Variants in FBRSL1 observed in about 807,000 individuals in gnomAD.
FBRSL1 encodes the protein fibrosin-1-like protein.
A neutral mutation model predicts 89.6 loss-of-function variants in FBRSL1; 51 were observed. That is an observed-to-expected ratio of 0.57 (90% CI 0.45 to 0.72). The LOEUF (loss-of-function observed/expected upper bound fraction) is 0.72, where lower values mean the gene tolerates loss of function less well. Ranked by LOEUF, FBRSL1 falls within the 30% of genes least tolerant of loss-of-function variation. FBRSL1 has a pLI of 0.00. For synonymous variants in FBRSL1, 779 were observed against 681.1 expected, an observed-to-expected ratio of 1.14 and a Z score of -2.24; for missense variants, 1,618 against 1,451.8, an observed-to-expected ratio of 1.11 and a Z score of -1.86.
chr12:132,534,612 A>G (rs1400607334), intron 4 of FBRSL1, among the ~76,000 whole-genome samples: 1 of 152,232 alleles, frequency 6.6e-6, no homozygotes, highest in Non-Finnish European at 1.5e-5. Context: ...TGTGGGTCAG[A>G]ATTGAGCAAG....
chr12:132,546,362 G>A lies in FBRSL1; in HGVS notation c.616-1641G>A, dbSNP rs2084591898. On this transcript the variant is annotated intron_variant, in intron 4 of 18. Coordinates refer to ENST00000680143, the MANE Select transcript of FBRSL1 (RefSeq NM_001367871.1). This position sits in a 1 kb window ranked among gnomAD's most constrained non-coding sequence, Gnocchi z 4.0. ...GCAGCCTCCGGGGCGGGATGGGCCCGGTTCTGACTTGGAGCCCTCAGTTCT... is the reference window on the plus strand; with the variant it reads ...GCAGCCTCCGGGGCGGGATGGGCCCAGTTCTGACTTGGAGCCCTCAGTTCT... 6.6e-6 allele frequency among the ~76,000 whole-genome samples: 1 copy of A among 152,254 alleles called. No individual in the cohort carries two copies. The highest frequency in any genetic ancestry group is 1.5e-5 in the Non-Finnish European group (1 of 68,048).
chr12:132,576,131 A>C (rs1237013543), intron 14 of FBRSL1, among the ~76,000 whole-genome samples: 1 of 152,130 alleles, frequency 6.6e-6, no homozygotes, highest in Non-Finnish European at 1.5e-5. Flanking sequence ...TACCAAATTC[A>C]GTCACTGAGA....
At chr12:132,575,564 G>T (rs907808491) in intron 14 of FBRSL1, among the ~76,000 whole-genome samples, 7 of 152,268 alleles carry the variant, frequency 4.6e-5, no homozygotes, top group Non-Finnish European at 1.0e-4. Context: ...TGTCTGGGTG[G>T]AACTTCTGGA....
In FBRSL1 at chr12:132,499,667, C is replaced by T. The variant is rs1388288283; in HGVS notation, c.292-8486C>T. Among the ~76,000 whole-genome samples, 3 of 143,854 alleles carry T rather than the reference C, an allele frequency of 2.1e-5. No individual in the cohort carries two copies. The highest frequency in any genetic ancestry group is 3.0e-5 in the Non-Finnish European group (2 of 65,892). The allele number at this position is 143,854 out of a possible 152,430, so 94.4% of individuals were successfully genotyped here. On this transcript the variant is annotated intron_variant, in intron 1 of 18. Transcript: ENST00000680143. This position sits in a 1 kb window ranked among gnomAD's most constrained non-coding sequence, Gnocchi z 4.3. The stretch of plus-strand genomic sequence containing the variant: ...AGCAGGTGGTACAGGTTTGGGGTGC[C>T]GGTGGCAGGCAGGCTGGAGACAGCT...
At chr12:132,506,749 C>T (rs2033731908) in intron 1 of FBRSL1, among the ~76,000 whole-genome samples, 1 of 152,392 alleles carries the variant, frequency 6.6e-6, no homozygotes, top group South Asian at 2.1e-4. Context: ...AGCAGGAACT[C>T]TGGAGGCCAT....
Position 132,511,898 on chromosome 12 carries a change from C to T in FBRSL1, c.489+3548C>T, listed in dbSNP as rs749234607. The T allele has an allele frequency of 2.4e-5, 24 of 981,160 alleles. No individual in the cohort carries two copies. In the South Asian group the frequency reaches 8.6e-4, roughly 35 times the overall value. The allele number at this position is 981,160 out of a possible 1,614,324, so 60.8% of individuals were successfully genotyped here. A position where few individuals can be genotyped will look rare whatever the true frequency, so the allele number is the denominator to read the frequency against. ...GGGCCTCCATCCCAGAAGCGCAGGG[C>T]TTATTTTTCTGATTAAAGAAAATAA... On this transcript the variant is annotated intron_variant, in intron 2 of 18. Coordinates refer to ENST00000680143, the MANE Select transcript of FBRSL1 (RefSeq NM_001367871.1).
chr12:132,577,634 C>T (rs1291612323), intron 15 of FBRSL1, among the ~76,000 whole-genome samples: 1 of 152,138 alleles, frequency 6.6e-6, no homozygotes, highest in East Asian at 1.9e-4. Context: ...GAGTCACCCC[C>T]TCCCCCGGGT....
chr12:132,513,464 G>A (rs1322606219), intron 2 of FBRSL1, among the ~76,000 whole-genome samples: 1 of 152,096 alleles, frequency 6.6e-6, no homozygotes, highest in East Asian at 1.9e-4. Context: ...CCCGCTGCCC[G>A]ACTACAGAGA....
chr12:132,583,202 C>A lies in FBRSL1; in HGVS notation c.2433C>A (p.Asp811Glu). 1 of 1,446,048 alleles carries A rather than the reference C, an allele frequency of 6.9e-7. No individual in the cohort carries two copies. The highest frequency in any genetic ancestry group is 9.1e-7 in the Non-Finnish European group (1 of 1,102,520). 89.6% of individuals were successfully genotyped at this position (1,446,048 alleles called of 1,614,324 possible). A position where few individuals can be genotyped will look rare whatever the true frequency, so the allele number is the denominator to read the frequency against. Residue 811 changes from aspartate to glutamate, a missense_variant, in exon 19 of 19, where the codon GAC (aspartate) becomes GAA (glutamate). Coordinates refer to ENST00000680143, the MANE Select transcript of FBRSL1 (RefSeq NM_001367871.1). ...CCCACAGCAAGGCGGCCCCTGGAGA[C>A]GTGAAGGTCAAGGAGGAGCGCGGGG... ...SPPHSKAAPG[D>E]VKVKEERGED...
intron 5 of FBRSL1, among the ~76,000 whole-genome samples, chr12:132,562,522 A>G (rs1000715757): frequency 1.3e-5 from 2 of 152,158 alleles, no homozygotes; most frequent in African/African-American, 4.8e-5. Context: ...GGGGCGCTGG[A>G]CATAGAGTTG....
chr12:132,549,061 T>C (rs766426475), intron 5 of FBRSL1, among the ~76,000 whole-genome samples: 4 of 152,046 alleles, frequency 2.6e-5, no homozygotes, highest in Non-Finnish European at 4.4e-5. Context: ...GGTCCAGATA[T>C]TGGAGTCAGT....
intron 4 of FBRSL1, among the ~76,000 whole-genome samples, chr12:132,536,849 A>G (rs560752651): frequency 6.6e-6 from 1 of 152,060 alleles, no homozygotes; most frequent in Non-Finnish European, 1.5e-5. Context: ...GCATGACTGC[A>G]TGTGAGTGCA....
intron 5 of FBRSL1, chr12:132,551,813 G>A (rs978345080): frequency 1.7e-5 from 6 of 347,184 alleles, no homozygotes; most frequent in African/African-American, 1.3e-4. Flanking sequence ...TCTTCGGTTT[G>A]TGTCTAACCA....
At chr12:132,548,099 G>A (rs1393781172) in intron 5 of FBRSL1, 67 bp downstream of exon 5, 20 of 1,524,748 alleles carry the variant, frequency 1.3e-5, no homozygotes, top group East Asian at 2.5e-5. Flanking sequence ...CCTTGGCCCT[G>A]TGAGGTGGGC....
At position 132,583,895 on chromosome 12, in the gene FBRSL1, C is replaced by T. The variant is rs1421638558; in HGVS notation, c.*117C>T. 2.1e-6 allele frequency: 1 copy of T among 466,152 alleles called. No individual in the cohort carries two copies. Among genetic ancestry groups the T allele is most frequent in the Non-Finnish European group, 3.1e-6 (1 of 322,244 alleles). The allele number at this position is 466,152 out of a possible 1,614,324, so 28.9% of individuals were successfully genotyped here. On this transcript the variant is annotated 3_prime_UTR_variant, in exon 19 of 19. Transcript: ENST00000680143. The stretch of plus-strand genomic sequence containing the variant: ...TGGGGCGGCGCCGCCTCTCCACCCG[C>T]AGCCTGCGGAGGCGGGGACTTGGGT...
At chr12:132,551,443 C>T (rs1042055596) in intron 5 of FBRSL1, 14 of 456,174 alleles carry the variant, frequency 3.1e-5, no homozygotes, top group East Asian at 1.4e-4. Flanking sequence ...AAGCGGATGC[C>T]GGGGCAGGTG....
chr12:132,570,335 C>T lies in FBRSL1; in HGVS notation c.1008C>T (p.Ser336=). The T allele has an allele frequency of 6.5e-7, 1 of 1,529,162 alleles. No homozygotes were observed. The allele number at this position is 1,529,162 out of a possible 1,614,324, so 94.7% of individuals were successfully genotyped here. ...AGGCACTGAGCCCCGTGTCCCGCAGCAGGAGCAGCAGCGCCCCCCTGGGCC... is the reference window on the plus strand; with the variant it reads ...AGGCACTGAGCCCCGTGTCCCGCAGTAGGAGCAGCAGCGCCCCCCTGGGCC... ...QAAANGLHGL[S]RSSSAPLGLG... The change falls in exon 8 of 19, where the codon AGC becomes AGT. Residue 336 remains serine (S), a splice_region_variant and synonymous_variant. Transcript: ENST00000680143.
At chr12:132,532,597 C>T (rs2036382817) in intron 4 of FBRSL1, among the ~76,000 whole-genome samples, 1 of 152,234 alleles carries the variant, frequency 6.6e-6, no homozygotes, top group East Asian at 1.9e-4. Context: ...TGCCTCCCCT[C>T]CAGCCCATGT....
intron 2 of FBRSL1, chr12:132,510,448 G>A (rs528838970): frequency 1.6e-6 from 2 of 1,231,970 alleles, no homozygotes; most frequent in South Asian, 4.1e-5. Flanking sequence ...GGAGCCTGAT[G>A]CCTGCAGGCA....
Sources: gnomAD v4.1 joint callset for allele counts (sites outside exome capture counted in the v4.1 genomes callset) on GRCh38, gnomAD v4.1.1 for gene constraint, Gnocchi (gnomAD v3.1) non-coding constraint, MANE v1.5 for transcripts, NCBI Gene and HGNC (gene_info 2026-07-23, HGNC 2026-07-21) for gene names.